The following TCF4 variants were observed in gnomAD, a reference collection of about 807,000 sequenced individuals.
The protein encoded by TCF4 is transcription factor 4, also known as SL3-3 enhancer factor 2.
TCF4 carries 3 observed loss-of-function variants against 82.1 expected under a neutral mutation model. The observed-to-expected ratio is 0.04, with a 90% confidence interval of 0.02 to 0.09. The LOEUF is 0.09. Ranked by LOEUF, TCF4 falls within the 10% of genes least tolerant of loss-of-function variation. The probability of loss-of-function intolerance (pLI) is 1.00; values close to 1 mark genes in which losing one functional copy is unlikely to be tolerated. For missense variants in TCF4, 518 were observed against 852.7 expected, an observed-to-expected ratio of 0.61 and a Z score of 4.89; for synonymous variants, 276 against 309.6, an observed-to-expected ratio of 0.89 and a Z score of 1.14.
intron 5 of TCF4, among the ~76,000 whole-genome samples, chr18:55,441,072 T>C (rs775128695): frequency 6.6e-6 from 1 of 152,254 alleles, no homozygotes; most frequent in Non-Finnish European, 1.5e-5. Context: ...TTCTCAGTGT[T>C]TGAATTAATG....
intron 6 of TCF4, among the ~76,000 whole-genome samples, chr18:55,370,845 A>G (rs1243655113): frequency 6.6e-6 from 1 of 152,226 alleles, no homozygotes; most frequent in Non-Finnish European, 1.5e-5. Context: ...GAAATAATGA[A>G]CAGAGAACAG....
chr18:55,617,368 G>A (rs944418757), intron 2 of TCF4, among the ~76,000 whole-genome samples: 45 of 152,046 alleles, frequency 3.0e-4, no homozygotes, highest in Non-Finnish European at 5.9e-5. Flanking sequence ...CAGAAAGTGT[G>A]ATGCCTCCAA....
intron 5 of TCF4, among the ~76,000 whole-genome samples, chr18:55,434,307 G>C (rs1366920640): frequency 6.6e-6 from 1 of 151,850 alleles, no homozygotes; most frequent in Non-Finnish European, 1.5e-5. Flanking sequence ...TTTTTTGTTT[G>C]CTGGCTGCAT....
chr18:55,503,865 A>C (rs891204833), intron 3 of TCF4, among the ~76,000 whole-genome samples: 1 of 152,202 alleles, frequency 6.6e-6, no homozygotes, highest in African/African-American at 2.4e-5. Context: ...ACTTGAGGCC[A>C]GGAATTCGAG....
intron 3 of TCF4, among the ~76,000 whole-genome samples, chr18:55,487,236 C>T (rs1019325071): frequency 5.9e-5 from 9 of 152,192 alleles, no homozygotes; most frequent in Non-Finnish European, 1.2e-4. Context: ...TTCTTTCCCA[C>T]ACAACAAATG....
intron 6 of TCF4, among the ~76,000 whole-genome samples, chr18:55,382,344 T>C (rs923592754): frequency 5.9e-5 from 9 of 151,616 alleles, no homozygotes; most frequent in Non-Finnish European, 1.0e-4. Context: ...AAAAAAAAAA[T>C]CTTGCTTCCT....
Position 55,421,288 on chromosome 18 carries a change from C to T in TCF4, c.305-17770G>A, listed in dbSNP as rs7229917. Among the ~76,000 whole-genome samples the T allele has an allele frequency of 3.4e-3, 524 of 152,256 alleles. 3 individuals are homozygous for T. Among genetic ancestry groups the T allele is most frequent in the African/African-American group, 0.012 (506 of 41,560 alleles). On this transcript the variant is annotated intron_variant, in intron 5 of 19. Transcript: ENST00000354452. ...AAGAGATTGAAATAAAATTCTGTTT[C>T]TTGGAACCCCAAGAGTTTAACAAGG...
intron 3 of TCF4, among the ~76,000 whole-genome samples, chr18:55,559,914 G>T (rs779540573): frequency 6.6e-6 from 1 of 152,104 alleles, no homozygotes; most frequent in Admixed American, 6.6e-5. Flanking sequence ...CCCAGCGCAG[G>T]GGGTGGGGAG....
At chr18:55,562,140 C>G (rs2097360581) in intron 3 of TCF4, among the ~76,000 whole-genome samples, 1 of 152,164 alleles carries the variant, frequency 6.6e-6, no homozygotes. Flanking sequence ...CTTCATGCTA[C>G]AACAGCAGAA....
intron 3 of TCF4, among the ~76,000 whole-genome samples, chr18:55,468,881 G>A (rs1027732468): frequency 3.8e-5 from 4 of 106,208 alleles, no homozygotes; most frequent in Admixed American, 1.8e-4. Context: ...TTTAGTTCTC[G>A]CCCCCCCCCC....
chr18:55,317,345 TA>T (rs1227093451), intron 8 of TCF4, among the ~76,000 whole-genome samples: 1 of 151,850 alleles, frequency 6.6e-6, no homozygotes, highest in South Asian at 2.1e-4. Flanking sequence ...AAACAGCAAT[TA>T]AAAAAAATAA....
intron 3 of TCF4, among the ~76,000 whole-genome samples, chr18:55,481,103 CAAAAAAAAA>C (rs74180501): frequency 9.9e-5 from 8 of 80,566 alleles, no homozygotes; most frequent in Non-Finnish European, 1.4e-4. Context: ...GACTCCATCT[CAAAAAAAAA>C]AAAAAAAAAA....
At chr18:55,601,920 G>A (rs2097697449) in intron 2 of TCF4, among the ~76,000 whole-genome samples, 1 of 152,246 alleles carries the variant, frequency 6.6e-6, no homozygotes, top group Non-Finnish European at 1.5e-5. Flanking sequence ...TAAGTCACCT[G>A]TCTAGTCATT....
intron 11 of TCF4, 189 bp downstream of exon 11, chr18:55,269,642 T>C: frequency 6.5e-6 from 5 of 767,368 alleles, no homozygotes; most frequent in Non-Finnish European, 1.0e-5. Context: ...CAGTGTCTTG[T>C]GACGAAAAAT....
At chr18:55,252,620 C>G (rs867956170) in intron 15 of TCF4, among the ~76,000 whole-genome samples, 12 of 152,044 alleles carry the variant, frequency 7.9e-5, no homozygotes, top group Non-Finnish European at 1.5e-4. Context: ...TTTAAAAGAA[C>G]CACTTAACCT....
intron 3 of TCF4, among the ~76,000 whole-genome samples, chr18:55,475,460 T>G (rs1312476548): frequency 3.3e-5 from 5 of 152,222 alleles, no homozygotes; most frequent in African/African-American, 9.6e-5. Context: ...CAAAGTGGCA[T>G]GCAAATTCTG....
intron 8 of TCF4, among the ~76,000 whole-genome samples, chr18:55,303,226 T>TACACACACACACACAC (rs74180496): frequency 1.5e-5 from 2 of 135,988 alleles, no homozygotes; most frequent in African/African-American, 5.6e-5. Context: ...TCCCAGTACG[T>TACACACACACACACAC]ACACACACAC....
At chr18:55,272,335 AC>A (rs2060554288) in intron 10 of TCF4, among the ~76,000 whole-genome samples, 1 of 152,074 alleles carries the variant, frequency 6.6e-6, no homozygotes, top group African/African-American at 2.4e-5. Flanking sequence ...TAATAAATAC[AC>A]CACAGAGAAT....
At chr18:55,483,467 C>CCAGT (rs2096470933) in intron 3 of TCF4, among the ~76,000 whole-genome samples, 1 of 152,188 alleles carries the variant, frequency 6.6e-6, no homozygotes, top group South Asian at 2.1e-4. Context: ...ACTTCACTTG[C>CCAGT]CAGTCACATG....
Sources: gnomAD v4.1 joint callset for allele counts (sites outside exome capture counted in the v4.1 genomes callset) on GRCh38, gnomAD v4.1.1 for gene constraint, MANE v1.5 for transcripts, NCBI Gene and HGNC (gene_info 2026-07-23, HGNC 2026-07-21) for gene names.